Variants in FGF10 observed in about 807,000 individuals in gnomAD.
The protein encoded by FGF10 is FGF-10.
Under a neutral mutation model 19.8 loss-of-function variants are expected in FGF10, and 2 were observed. The observed-to-expected ratio is 0.10, with a 90% confidence interval of 0.04 to 0.32. The LOEUF is 0.32. Ranked by LOEUF, FGF10 falls within the 10% of genes least tolerant of loss-of-function variation. FGF10 has a pLI of 1.00. For missense variants in FGF10, 191 were observed against 246.3 expected, an observed-to-expected ratio of 0.78 and a Z score of 1.50; for synonymous variants, 112 against 94.0, an observed-to-expected ratio of 1.19 and a Z score of -1.10.
intron 1 of FGF10, among the ~76,000 whole-genome samples, chr5:44,374,866 A>G (rs1177136701): frequency 7.5e-6 from 1 of 133,716 alleles, no homozygotes; most frequent in African/African-American, 2.7e-5. Context: ...ATGAAAAATG[A>G]TTCACTTCAT....
At chr5:44,373,023 C>A (rs1741776999) in intron 1 of FGF10, among the ~76,000 whole-genome samples, 1 of 152,194 alleles carries the variant, frequency 6.6e-6, no homozygotes, top group Admixed American at 6.5e-5. Flanking sequence ...ATCAACTTGC[C>A]TGTAGAATTT....
intron 1 of FGF10, among the ~76,000 whole-genome samples, chr5:44,315,705 C>G (rs12332431): frequency 6.6e-6 from 1 of 151,948 alleles, no homozygotes; most frequent in Non-Finnish European, 1.5e-5. Context: ...AAATACTAAC[C>G]TCTCTAAATG....
chr5:44,303,525 CTACAGACACTGCAAATAAGGCT>C lies in FGF10; in HGVS notation c.*1448_*1469del, dbSNP rs1184852294. The C allele has an allele frequency of 6.6e-6, 1 of 152,058 alleles. No homozygotes were observed. Among genetic ancestry groups the C allele is most frequent in the Non-Finnish European group, 1.5e-5 (1 of 68,004 alleles). 9.4% of individuals were successfully genotyped at this position (152,058 alleles called of 1,614,324 possible). A position where few individuals can be genotyped will look rare whatever the true frequency, so the allele number is the denominator to read the frequency against. ...GTATTTTTCTACATTTTTAAAATCA[CTACAGACACTGCAAATAAGGCT>C]TATGTATTTATTTAGTGGAATACAA... On this transcript the variant is annotated 3_prime_UTR_variant, in exon 3 of 3. Transcript: ENST00000264664.
At chr5:44,309,397 G>A (rs1249432942) in intron 2 of FGF10, among the ~76,000 whole-genome samples, 1 of 152,050 alleles carries the variant, frequency 6.6e-6, no homozygotes, top group East Asian at 1.9e-4. Flanking sequence ...TTGAAACCTA[G>A]TTCCCAACTT....
chr5:44,356,922 C>A (rs1353227469), intron 1 of FGF10, among the ~76,000 whole-genome samples: 1 of 151,218 alleles, frequency 6.6e-6, no homozygotes, highest in Non-Finnish European at 1.5e-5. Context: ...AAGAATTACA[C>A]ACTTCAAACT....
chr5:44,378,231 T>C (rs559213014), intron 1 of FGF10, among the ~76,000 whole-genome samples: 1 of 152,290 alleles, frequency 6.6e-6, no homozygotes, highest in East Asian at 1.9e-4. Context: ...TGATCTGTTA[T>C]ATGAGGACAG....
chr5:44,347,019 T>C lies in FGF10; in HGVS notation c.326-36489A>G, dbSNP rs184139960. Among the ~76,000 whole-genome samples, 15 of 151,932 alleles carry C rather than the reference T, an allele frequency of 9.9e-5. No individual in the cohort carries two copies. In the East Asian group the frequency reaches 2.7e-3, roughly 28 times the overall value. Reference sequence around the variant, plus strand: ...TTTTGAAAAATTTATTTCTGTTCTCTACAGCATAATCACCATGAGGGTGGG... The same window carrying C: ...TTTTGAAAAATTTATTTCTGTTCTCCACAGCATAATCACCATGAGGGTGGG... On this transcript the variant is annotated intron_variant, in intron 1 of 2. Transcript: ENST00000264664.
At chr5:44,305,266 G>T in intron 2 of FGF10, 74 bp from the exon 3 acceptor site, 1 of 1,372,146 alleles carries the variant, frequency 7.3e-7, no homozygotes, top group Non-Finnish European at 1.0e-6. Flanking sequence ...GCCATCCAGA[G>T]AACTCCAGTC....
At chr5:44,340,597 A>G (rs1435829909) in intron 1 of FGF10, among the ~76,000 whole-genome samples, 2 of 152,042 alleles carry the variant, frequency 1.3e-5, no homozygotes, top group African/African-American at 2.4e-5. Context: ...TATTCTGACA[A>G]TACTGACTTA....
chr5:44,326,242 A>G (rs535655251), intron 1 of FGF10, among the ~76,000 whole-genome samples: 1 of 152,332 alleles, frequency 6.6e-6, no homozygotes, highest in South Asian at 2.1e-4. Flanking sequence ...TGATACAAGA[A>G]CTAGGTATCT....
intron 1 of FGF10, among the ~76,000 whole-genome samples, chr5:44,320,867 G>T (rs12518964): frequency 9.9e-5 from 15 of 151,846 alleles, no homozygotes; most frequent in Admixed American, 5.2e-4. Context: ...GGCATGTGCC[G>T]CCATGCCTGA....
intron 1 of FGF10, among the ~76,000 whole-genome samples, chr5:44,339,962 G>A (rs962215599): frequency 6.6e-6 from 1 of 152,108 alleles, no homozygotes; most frequent in Non-Finnish European, 1.5e-5. Context: ...TAATAGGACA[G>A]GAAAACGGTA....
chr5:44,388,285 G>T, intron 1 of FGF10, 73 bp downstream of exon 1: 1 of 1,408,612 alleles, frequency 7.1e-7, no homozygotes, highest in Non-Finnish European at 1.0e-6. Context: ...GCCACATCTG[G>T]AACAGATTTT....
Position 44,302,852 on chromosome 5 carries a change from C to T in FGF10, c.*2143G>A, listed in dbSNP as rs1016300973. 6.6e-6 allele frequency among the ~76,000 whole-genome samples: 1 copy of T among 152,030 alleles called. No homozygotes were observed. The highest frequency in any genetic ancestry group is 1.9e-4 in the East Asian group (1 of 5,194). On this transcript the variant is annotated 3_prime_UTR_variant, in exon 3 of 3. Coordinates refer to ENST00000264664, the MANE Select transcript of FGF10 (RefSeq NM_004465.2). ...ATGTGAAATAAGAATCCAGTTTGTG[C>T]CCTGTTTGCTGTTACTGTGGTCATC... is the stretch of plus-strand genomic sequence containing the variant.
chr5:44,308,237 A>G (rs1012123327), intron 2 of FGF10, among the ~76,000 whole-genome samples: 2 of 152,216 alleles, frequency 1.3e-5, no homozygotes, highest in Non-Finnish European at 2.9e-5. Flanking sequence ...GGGCAGAAGA[A>G]AAAAAGAGGA....
chr5:44,322,678 C>T lies in FGF10; in HGVS notation c.326-12148G>A, dbSNP rs961154674. On this transcript the variant is annotated intron_variant, in intron 1 of 2. Coordinates refer to ENST00000264664, the MANE Select transcript of FGF10 (RefSeq NM_004465.2). ...ATATCTTGTAATTGCCACAAAAGCACCAAAGAGCCTGCTTCAATTTCCAAC... is the reference window on the plus strand; with the variant it reads ...ATATCTTGTAATTGCCACAAAAGCATCAAAGAGCCTGCTTCAATTTCCAAC... 3.0e-4 allele frequency among the ~76,000 whole-genome samples: 46 copies of T among 151,856 alleles called. 1 individual carries two copies. The highest frequency in any genetic ancestry group is 1.1e-3 in the African/African-American group (45 of 41,324).
chr5:44,336,164 A>C (rs1280109520), intron 1 of FGF10, among the ~76,000 whole-genome samples: 1 of 151,812 alleles, frequency 6.6e-6, no homozygotes, highest in African/African-American at 2.4e-5. Flanking sequence ...GCTTTTTATA[A>C]CTGCTAATTT....
At chr5:44,323,410 C>A (rs1352000164) in intron 1 of FGF10, among the ~76,000 whole-genome samples, 1 of 152,098 alleles carries the variant, frequency 6.6e-6, no homozygotes, top group East Asian at 1.9e-4. Context: ...TAGAACTCAG[C>A]ATGAAAATCT....
chr5:44,384,547 A>G (rs1428834351), intron 1 of FGF10, among the ~76,000 whole-genome samples: 6 of 152,174 alleles, frequency 3.9e-5, no homozygotes, highest in African/African-American at 1.4e-4. Flanking sequence ...AAATTCTAAT[A>G]AATTGATATT....
Sources: allele counts gnomAD v4.1 joint callset (sites outside exome capture counted in the v4.1 genomes callset), GRCh38; gene constraint gnomAD v4.1.1; transcripts MANE v1.5; gene names NCBI Gene and HGNC (gene_info 2026-07-23, HGNC 2026-07-21).